The following B3GALT1 variants were observed in gnomAD, a reference collection of about 807,000 sequenced individuals.
B3GALT1 encodes beta-1,3-galactosyltransferase 1.
A neutral mutation model predicts 23.2 loss-of-function variants in B3GALT1; 10 were observed. The ratio of observed to expected loss-of-function variants is 0.43; its 90% CI spans 0.27 to 0.73. The LOEUF (loss-of-function observed/expected upper bound fraction) is 0.73. B3GALT1 is among the 30% of genes least tolerant of loss of function. The pLI is 0.21. For missense variants in B3GALT1, 299 were observed against 405.4 expected (o/e 0.74, Z 2.25); for synonymous variants, 156 against 141.5 (o/e 1.10, Z -0.73).
At chr2:167,722,422 G>T (rs1189068120) in intron 3 of B3GALT1, among the ~76,000 whole-genome samples, 1 of 152,184 alleles carries the variant, frequency 6.6e-6, no homozygotes, top group African/African-American at 2.4e-5. Context: ...ACCTGACATT[G>T]ACCACAGTTT....
At chr2:167,587,618 C>T (rs764771080) in intron 2 of B3GALT1, among the ~76,000 whole-genome samples, 21 of 152,150 alleles carry the variant, frequency 1.4e-4, no homozygotes, top group Non-Finnish European at 2.8e-4. Flanking sequence ...TTTTCTTCAG[C>T]GTTGACTTTT....
chr2:167,625,942 C>CAT (rs10522850), intron 2 of B3GALT1, among the ~76,000 whole-genome samples: 1,184 of 117,102 alleles, frequency 0.01, 10 homozygotes, highest in African/African-American at 0.015. Context: ...ATGACTAGGC[C>CAT]ATATATATAT....
At chr2:167,604,930 T>G (rs1005728013) in intron 2 of B3GALT1, among the ~76,000 whole-genome samples, 5 of 152,230 alleles carry the variant, frequency 3.3e-5, no homozygotes, top group African/African-American at 9.6e-5. Context: ...AGGGCAAATA[T>G]ATTCTCTGTC....
intron 1 of B3GALT1, among the ~76,000 whole-genome samples, chr2:167,486,060 A>G (rs976097462): frequency 5.9e-5 from 9 of 152,170 alleles, no homozygotes; most frequent in African/African-American, 1.2e-4. Context: ...CTTAAGTGCA[A>G]ATATTTATGA....
At chr2:167,823,798 C>G (rs1404545880) in intron 4 of B3GALT1, among the ~76,000 whole-genome samples, 3 of 152,192 alleles carry the variant, frequency 2.0e-5, no homozygotes, top group Non-Finnish European at 4.4e-5. Context: ...CACCCAGGTT[C>G]TCTGGTTCCT....
rs138876148 is a variant in B3GALT1, at chr2:167,605,458, C to T, written c.-409-41451C>T. On this transcript the variant is annotated intron_variant, in intron 2 of 4. Coordinates refer to ENST00000392690, the MANE Select transcript of B3GALT1 (RefSeq NM_020981.4). Reference sequence around the variant, plus strand: ...GACCCACGTGGTTGGTGGTTGGTACCGATTGTCACCTGAGGGCTCAGATGG... The same window carrying T: ...GACCCACGTGGTTGGTGGTTGGTACTGATTGTCACCTGAGGGCTCAGATGG... Among the ~76,000 whole-genome samples, 368 of 139,098 alleles carry T rather than the reference C, an allele frequency of 2.6e-3. 3 individuals carry two copies. The highest frequency in any genetic ancestry group is 8.0e-3 in the African/African-American group (296 of 37,214). The allele number at this position is 139,098 out of a possible 152,430, so 91.3% of individuals were successfully genotyped here.
chr2:167,443,763 T>A (rs1338503950), intron 1 of B3GALT1, among the ~76,000 whole-genome samples: 2 of 152,226 alleles, frequency 1.3e-5, no homozygotes, highest in Non-Finnish European at 2.9e-5. Context: ...TAAGGAGATT[T>A]TGGGCTGAGA....
chr2:167,868,797 T>G lies in B3GALT1; in HGVS notation c.-229-14T>G, dbSNP rs1453022770. Among the ~76,000 whole-genome samples, 2 of 152,168 alleles carry G rather than the reference T, an allele frequency of 1.3e-5. No homozygotes were observed. Among genetic ancestry groups the G allele is most frequent in the Non-Finnish European group, 2.9e-5 (2 of 68,030 alleles). ...ATAAATCTAAGTGACAACTGTACTT[T>G]ATTGATTTTGCAGAGTTAAGAGGAA... On this transcript the variant is annotated splice_polypyrimidine_tract_variant and intron_variant, in intron 4 of 4. Transcript: ENST00000392690.
intron 1 of B3GALT1, among the ~76,000 whole-genome samples, chr2:167,396,182 C>A (rs921348449): frequency 5.3e-5 from 8 of 152,104 alleles, no homozygotes; most frequent in African/African-American, 1.9e-4. Flanking sequence ...GAGCTTATAT[C>A]TAATTGCTAT....
At chr2:167,774,836 C>T (rs1348260481) in intron 3 of B3GALT1, among the ~76,000 whole-genome samples, 1 of 152,068 alleles carries the variant, frequency 6.6e-6, no homozygotes, top group Non-Finnish European at 1.5e-5. Context: ...GCTAATGAAC[C>T]AAGTTTTCTT....
At chr2:167,460,619 A>AT (rs142888333) in intron 1 of B3GALT1, among the ~76,000 whole-genome samples, 6,638 of 145,928 alleles carry the variant, frequency 0.045, 440 homozygotes, top group African/African-American at 0.15. Context: ...GACAGTTTCT[A>AT]TTTTTTTTTT....
At chr2:167,293,491 C>A (rs1168465953) in intron 1 of B3GALT1, among the ~76,000 whole-genome samples, 157 bp downstream of exon 1, 3 of 152,184 alleles carry the variant, frequency 2.0e-5, no homozygotes, top group African/African-American at 4.8e-5. Context: ...CGCGCCCGTG[C>A]GGCTCCAGCT....
chr2:167,771,487 C>T (rs946635628), intron 3 of B3GALT1, among the ~76,000 whole-genome samples: 2 of 152,180 alleles, frequency 1.3e-5, no homozygotes, highest in Admixed American at 6.5e-5. Flanking sequence ...AGGAGAATTG[C>T]TTGAACCCAG....
intron 2 of B3GALT1, among the ~76,000 whole-genome samples, chr2:167,515,908 AT>A (rs1408473547): frequency 6.6e-6 from 1 of 152,112 alleles, no homozygotes; most frequent in East Asian, 1.9e-4. Flanking sequence ...AAACAACGTG[AT>A]TAGGTCACAA....
intron 1 of B3GALT1, among the ~76,000 whole-genome samples, chr2:167,392,665 A>AT (rs1193632950): frequency 2.0e-5 from 3 of 152,182 alleles, no homozygotes; most frequent in African/African-American, 7.2e-5. Context: ...TCTAATAAAT[A>AT]TTTTTAGGTA....
At chr2:167,695,854 G>A (rs1023335260) in intron 3 of B3GALT1, among the ~76,000 whole-genome samples, 11 of 151,996 alleles carry the variant, frequency 7.2e-5, no homozygotes, top group Admixed American at 1.3e-4. Context: ...CATGACCTAC[G>A]ATGGCTACCG....
chr2:167,654,559 G>A (rs1012106714), intron 3 of B3GALT1, among the ~76,000 whole-genome samples: 2 of 152,010 alleles, frequency 1.3e-5, no homozygotes, highest in Admixed American at 1.3e-4. Context: ...GAGTACAGTT[G>A]CTCAATCATA....
At chr2:167,814,265 G>A (rs1245083227) in intron 3 of B3GALT1, among the ~76,000 whole-genome samples, 1 of 152,174 alleles carries the variant, frequency 6.6e-6, no homozygotes, top group Admixed American at 6.5e-5. Flanking sequence ...ATCTTAAAGA[G>A]ATTGTTCCAT....
chr2:167,529,356 A>G (rs1047445239), intron 2 of B3GALT1, among the ~76,000 whole-genome samples: 2 of 151,858 alleles, frequency 1.3e-5, no homozygotes, highest in Non-Finnish European at 2.9e-5. Flanking sequence ...AATACCATCT[A>G]TGTACACTGG....
Sources: gnomAD v4.1 joint callset for allele counts (sites outside exome capture counted in the v4.1 genomes callset) on GRCh38, gnomAD v4.1.1 for gene constraint, MANE v1.5 for transcripts, NCBI Gene and HGNC (gene_info 2026-07-23, HGNC 2026-07-21) for gene names.